Variants in CBLIF observed in about 807,000 individuals in gnomAD.
The protein encoded by CBLIF is gastric intrinsic factor (vitamin B synthesis).
A neutral mutation model predicts 44.9 loss-of-function variants in CBLIF; 24 were observed. That is an observed-to-expected ratio of 0.53 (90% CI 0.39 to 0.75). The LOEUF (loss-of-function observed/expected upper bound fraction) is 0.75. Among genes scored for constraint, CBLIF ranks in the 30% least tolerant of loss-of-function variants. The probability of loss-of-function intolerance (pLI) is 0.00; values close to 1 mark genes in which losing one functional copy is unlikely to be tolerated. For missense variants in CBLIF, 481 were observed against 513.0 expected (o/e 0.94, Z 0.60); for synonymous variants, 183 against 190.9 (o/e 0.96, Z 0.34).
intron 1 of CBLIF, among the ~76,000 whole-genome samples, 160 bp from the exon 2 acceptor site, chr11:59,844,215 G>A (rs1866578468): frequency 6.6e-6 from 1 of 151,968 alleles, no homozygotes; most frequent in Admixed American, 6.5e-5. Flanking sequence ...TCGGCTCACT[G>A]CAAACTCTGC....
chr11:59,835,708 C>T (rs545419767), intron 7 of CBLIF, 100 bp downstream of exon 7: 16 of 928,826 alleles, frequency 1.7e-5, no homozygotes, highest in Non-Finnish European at 2.7e-5. Context: ...AAATAAAAAT[C>T]TGTTATCAAA....
chr11:59,830,427 CG>C (rs1463230263), intron 8 of CBLIF, among the ~76,000 whole-genome samples: 1 of 151,560 alleles, frequency 6.6e-6, no homozygotes, highest in African/African-American at 2.4e-5. Flanking sequence ...TTAGTAGAGA[CG>C]GGGTTTCACC....
At chr11:59,842,949 A>C in intron 3 of CBLIF, 79 bp downstream of exon 3, 1 of 882,084 alleles carries the variant, frequency 1.1e-6, no homozygotes, top group Non-Finnish European at 1.9e-6. Flanking sequence ...CTCCACCCCC[A>C]CCCTTTTCCT....
At chr11:59,843,193 T>A (rs1866560598) in intron 2 of CBLIF, 52 bp from the exon 3 acceptor site, 1 of 1,077,336 alleles carries the variant, frequency 9.3e-7, no homozygotes. Flanking sequence ...AGGGGACAGC[T>A]CTCCAGGAGC....
intron 7 of CBLIF, among the ~76,000 whole-genome samples, chr11:59,833,650 T>C (rs1291978304): frequency 6.6e-6 from 1 of 152,178 alleles, no homozygotes; most frequent in East Asian, 1.9e-4. Context: ...GTGGAATAGA[T>C]ACCCACGTGG....
At chr11:59,838,356 C>T (rs1164757508) in intron 5 of CBLIF, among the ~76,000 whole-genome samples, 2 of 152,090 alleles carry the variant, frequency 1.3e-5, no homozygotes, top group Admixed American at 6.6e-5. Flanking sequence ...AAAAGCATTT[C>T]GTGATGTGTG....
chr11:59,833,883 C>G (rs2135084924), intron 7 of CBLIF, among the ~76,000 whole-genome samples: 1 of 152,254 alleles, frequency 6.6e-6, no homozygotes, highest in Admixed American at 6.5e-5. Flanking sequence ...ATTTTCTCCT[C>G]TGTGATTTAT....
chr11:59,832,655 C>T lies in CBLIF; in HGVS notation c.1074-859G>A, dbSNP rs1866388678. 2.0e-5 allele frequency among the ~76,000 whole-genome samples: 3 copies of T among 151,634 alleles called. No homozygotes were observed. The South Asian group carries it at 6.2e-4, about 31-fold the overall frequency. ...ATACAAAAATTAGCCAGTCTCATAA[C>T]CTGATCTCAAAATAAATAAATAAAT... On this transcript the variant is annotated intron_variant, in intron 7 of 8. Coordinates refer to ENST00000257248, the MANE Select transcript of CBLIF (RefSeq NM_005142.3).
chr11:59,842,576 G>A lies in CBLIF; in HGVS notation c.378C>T (p.Asn126=), dbSNP rs763462155. The change falls in exon 4 of 9, where the codon AAC becomes AAT. Residue 126 remains asparagine, a synonymous_variant. Transcript: ENST00000257248. ...QMENWAPSSP[N]AEASAFYGPS... ...GCCCATAGAAGGCTGATGCTTCAGCGTTGGGGCCTCCGAAGGGGATAGAGA... is the reference window on the plus strand; with the variant it reads ...GCCCATAGAAGGCTGATGCTTCAGCATTGGGGCCTCCGAAGGGGATAGAGA... The A allele has an allele frequency of 2.5e-6, 4 of 1,613,808 alleles. No individual in the cohort carries two copies. Among genetic ancestry groups the A allele is most frequent in the Non-Finnish European group, 3.4e-6 (4 of 1,179,738 alleles).
intron 7 of CBLIF, among the ~76,000 whole-genome samples, chr11:59,835,116 C>T (rs192792401): frequency 5.3e-5 from 8 of 151,886 alleles, no homozygotes; most frequent in Non-Finnish European, 8.8e-5. Context: ...TCAGTCTTAT[C>T]GCAAATGCTT....
In CBLIF at chr11:59,845,493, G is replaced by GGA. The variant is rs1866594138; in HGVS notation, c.-41_-40insTC. ...TATGTCTCTCATCCACAGGTACCGCGATTTGCAAGTGGAATATTTCTTTAC... is the reference window on the plus strand; with the variant it reads ...TATGTCTCTCATCCACAGGTACCGCGGAATTTGCAAGTGGAATATTTCTTTAC... On this transcript the variant is annotated 5_prime_UTR_variant, in exon 1 of 9. Transcript: ENST00000257248. The GGA allele has an allele frequency of 7.9e-7, 1 of 1,265,388 alleles. No individual in the cohort carries two copies. The highest frequency in any genetic ancestry group is 1.2e-6 in the Non-Finnish European group (1 of 862,980). The allele number at this position is 1,265,388 out of a possible 1,614,324, so 78.4% of individuals were successfully genotyped here.
At chr11:59,834,299 T>TTC (rs1866420485) in intron 7 of CBLIF, among the ~76,000 whole-genome samples, 55 of 115,038 alleles carry the variant, frequency 4.8e-4, no homozygotes, top group African/African-American at 1.7e-3. Flanking sequence ...TTTCTTTCTT[T>TTC]CTTTCTTTCT....
intron 5 of CBLIF, among the ~76,000 whole-genome samples, chr11:59,838,803 T>TTTCCA (rs1181214667): frequency 6.6e-6 from 1 of 152,140 alleles, no homozygotes; most frequent in Admixed American, 6.5e-5. Flanking sequence ...CATTAATAAC[T>TTTCCA]TTCCATCAAG....
At chr11:59,838,741 C>T (rs1468333883) in intron 5 of CBLIF, among the ~76,000 whole-genome samples, 2 of 152,130 alleles carry the variant, frequency 1.3e-5, no homozygotes, top group African/African-American at 4.8e-5. Flanking sequence ...TGGGATTACA[C>T]ATCACCAATG....
chr11:59,830,615 TC>T (rs1269852913), intron 8 of CBLIF, among the ~76,000 whole-genome samples: 2 of 152,182 alleles, frequency 1.3e-5, no homozygotes, highest in Non-Finnish European at 2.9e-5. Context: ...TAGAGACATT[TC>T]TTGGGATGAA....
intron 5 of CBLIF, among the ~76,000 whole-genome samples, chr11:59,837,907 T>A (rs1866475679): frequency 6.6e-6 from 1 of 152,154 alleles, no homozygotes; most frequent in Non-Finnish European, 1.5e-5. Flanking sequence ...ATACAGACAT[T>A]GGGACACCCA....
chr11:59,843,850 G>A, intron 2 of CBLIF, 29 bp downstream of exon 2: 2 of 1,568,058 alleles, frequency 1.3e-6, no homozygotes, highest in Non-Finnish European at 1.8e-6. Flanking sequence ...TGAGATTCAG[G>A]GAGAGTGCGA....
In CBLIF at chr11:59,843,121, C is replaced by T. The variant is rs967940953; in HGVS notation, c.277G>A (p.Gly93Ser). 5.6e-6 allele frequency: 9 copies of T among 1,611,588 alleles called. No homozygotes were observed. Among genetic ancestry groups the T allele is most frequent in the East Asian group, 2.2e-5 (1 of 44,876 alleles). Residue 93 changes from glycine (G) to serine (S), a missense_variant, in exon 3 of 9, where the codon GGC becomes AGC. By Grantham distance (56) the Gly-to-Ser change is moderately conservative. Coordinates refer to ENST00000257248, the MANE Select transcript of CBLIF (RefSeq NM_005142.3). Reference protein sequence around the residue: ...DNNDLTIGQLGLTIMALTSSC... With the variant: ...DNNDLTIGQLSLTIMALTSSC... ...GAGGTGAGGGCCATGATGGTGAGGC[C>T]GAGCTGCCCAATGGTTAGATCTGCA...
At chr11:59,833,860 G>A (rs1455152021) in intron 7 of CBLIF, among the ~76,000 whole-genome samples, 3 of 151,958 alleles carry the variant, frequency 2.0e-5, no homozygotes, top group Non-Finnish European at 4.4e-5. Context: ...CTATAAACAT[G>A]CCCTAAAAGT....
Sources: gnomAD v4.1 joint callset for allele counts (sites outside exome capture counted in the v4.1 genomes callset) on GRCh38, gnomAD v4.1.1 for gene constraint, MANE v1.5 for transcripts, NCBI Gene and HGNC (gene_info 2026-07-23, HGNC 2026-07-21) for gene names.